Variants in CCDC102B observed in about 807,000 individuals in gnomAD.
The protein encoded by CCDC102B is coiled-coil domain-containing protein 102B.
CCDC102B carries 75 observed loss-of-function variants against 57.4 expected under a neutral mutation model. The ratio of observed to expected loss-of-function variants is 1.31; its 90% CI spans 1.08 to 1.58. CCDC102B has a LOEUF of 1.58. Among genes scored for constraint, CCDC102B ranks in the 40% most tolerant of loss-of-function variants. CCDC102B has a pLI of 0.00. For missense variants in CCDC102B, 636 were observed against 582.6 expected, an observed-to-expected ratio of 1.09 and a Z score of -0.94; for synonymous variants, 206 against 201.9, an observed-to-expected ratio of 1.02 and a Z score of -0.17.
intron 7 of CCDC102B, among the ~76,000 whole-genome samples, chr18:69,027,270 G>A (rs147050813): frequency 3.6e-4 from 55 of 152,214 alleles, no homozygotes; most frequent in Middle Eastern, 3.4e-3. Flanking sequence ...AGATGACCTC[G>A]GTGGGTGATT....
chr18:68,735,491 A>G (rs1376353147), intron 2 of CCDC102B, among the ~76,000 whole-genome samples: 1 of 152,054 alleles, frequency 6.6e-6, no homozygotes, highest in Non-Finnish European at 1.5e-5. Context: ...TGATATTCTG[A>G]TCCTTGCTTC....
chr18:68,922,245 T>G (rs550446048), intron 6 of CCDC102B, among the ~76,000 whole-genome samples: 2 of 152,312 alleles, frequency 1.3e-5, no homozygotes, highest in Admixed American at 1.3e-4. Context: ...TGACTACATA[T>G]CTTTCTCCTT....
chr18:68,953,252 T>G (rs1238607125), intron 6 of CCDC102B, among the ~76,000 whole-genome samples: 1 of 152,100 alleles, frequency 6.6e-6, no homozygotes, highest in Admixed American at 6.6e-5. Context: ...ATTTTTCACG[T>G]TTAGGAACCT....
At chr18:68,794,197 C>T (rs751563599), upstream of CCDC102B, among the ~76,000 whole-genome samples, 1 of 152,090 alleles carries the variant, frequency 6.6e-6, no homozygotes, top group Non-Finnish European at 1.5e-5. Flanking sequence ...CTGCTGTTCT[C>T]AATGTGTGGC....
intron 7 of CCDC102B, among the ~76,000 whole-genome samples, chr18:69,020,427 T>TA (rs1196963965): frequency 1.3e-5 from 2 of 152,070 alleles, no homozygotes; most frequent in Non-Finnish European, 2.9e-5. Context: ...ATGTAAGGGT[T>TA]AAAGTCGAAT....
intron 4 of CCDC102B, among the ~76,000 whole-genome samples, chr18:68,852,114 C>T (rs1292829585): frequency 4.9e-5 from 7 of 142,916 alleles, no homozygotes; most frequent in Admixed American, 7.2e-5. Flanking sequence ...TTTCTTCTCC[C>T]GGAAGGTGTG....
intron 2 of CCDC102B, among the ~76,000 whole-genome samples, chr18:68,773,033 C>T (rs534574908): frequency 4.6e-5 from 7 of 151,910 alleles, no homozygotes; most frequent in Non-Finnish European, 5.9e-5. Context: ...CCATAAAAAG[C>T]TGAATATAAA....
chr18:68,945,684 T>C (rs2145182532), intron 6 of CCDC102B, among the ~76,000 whole-genome samples: 1 of 152,236 alleles, frequency 6.6e-6, no homozygotes, highest in South Asian at 2.1e-4. Flanking sequence ...GAATCTCTTG[T>C]AGGACAGCAG....
intron 4 of CCDC102B, among the ~76,000 whole-genome samples, chr18:68,869,118 G>A (rs2039129192): frequency 1.3e-5 from 2 of 152,172 alleles, no homozygotes; most frequent in African/African-American, 4.8e-5. Flanking sequence ...AAAAGACAGT[G>A]AATTTGGTTC....
chr18:69,016,923 A>G (rs960233135), intron 7 of CCDC102B, among the ~76,000 whole-genome samples: 7 of 152,188 alleles, frequency 4.6e-5, no homozygotes, highest in African/African-American at 1.7e-4. Flanking sequence ...TTGGTTCTCA[A>G]TGATAGGTCA....
At chr18:69,007,704 A>G (rs1273849995) in intron 6 of CCDC102B, among the ~76,000 whole-genome samples, 1 of 152,222 alleles carries the variant, frequency 6.6e-6, no homozygotes, top group Non-Finnish European at 1.5e-5. Flanking sequence ...CTTATTGAGA[A>G]TATAGTTTGA....
chr18:68,864,860 A>G (rs770863822), intron 4 of CCDC102B, among the ~76,000 whole-genome samples: 2 of 151,994 alleles, frequency 1.3e-5, no homozygotes, highest in African/African-American at 2.4e-5. Flanking sequence ...AATATTCCTT[A>G]TTCTTTCCAA....
At chr18:68,867,828 A>G (rs75759477) in intron 4 of CCDC102B, among the ~76,000 whole-genome samples, 233 of 105,206 alleles carry the variant, frequency 2.2e-3, no homozygotes, top group Non-Finnish European at 3.5e-3. Context: ...CAGCTACTCG[A>G]CAGGCTGAGG....
At chr18:68,793,356 A>C (rs2035525486), upstream of CCDC102B, among the ~76,000 whole-genome samples, 1 of 152,178 alleles carries the variant, frequency 6.6e-6, no homozygotes, top group African/African-American at 2.4e-5. Context: ...GTCTGACTTA[A>C]TTGGTATTTC....
intron 1 of CCDC102B, among the ~76,000 whole-genome samples, chr18:68,805,932 A>G (rs1328256505): frequency 6.6e-6 from 1 of 152,124 alleles, no homozygotes; most frequent in Non-Finnish European, 1.5e-5. Flanking sequence ...CAGTGATCTC[A>G]TTTACTTTTC....
chr18:69,012,596 C>T (rs1288338840), intron 7 of CCDC102B, among the ~76,000 whole-genome samples: 1 of 152,024 alleles, frequency 6.6e-6, no homozygotes, highest in African/African-American at 2.4e-5. Context: ...CCGTTAGAAG[C>T]TTTGAGAGCG....
chr18:68,828,313 C>A (rs1182933075), intron 1 of CCDC102B, among the ~76,000 whole-genome samples: 4 of 106,818 alleles, frequency 3.7e-5, no homozygotes, highest in South Asian at 3.4e-4. Flanking sequence ...AAGGTACATA[C>A]CCTATTTACA....
chr18:68,893,153 A>G (rs1031255781), intron 5 of CCDC102B, among the ~76,000 whole-genome samples: 2 of 152,220 alleles, frequency 1.3e-5, no homozygotes, highest in East Asian at 3.8e-4. Context: ...CTTCTTTAGG[A>G]AATAAATTTA....
intron 1 of CCDC102B, among the ~76,000 whole-genome samples, chr18:68,808,282 T>C (rs914454773): frequency 6.6e-6 from 1 of 152,064 alleles, no homozygotes; most frequent in Non-Finnish European, 1.5e-5. Flanking sequence ...CATATAAATA[T>C]AATAATTCTA....
Sources: allele counts gnomAD v4.1 joint callset (sites outside exome capture counted in the v4.1 genomes callset), GRCh38; gene constraint gnomAD v4.1.1; transcripts MANE v1.5; gene names NCBI Gene and HGNC (gene_info 2026-07-23, HGNC 2026-07-21).